Variants in PALS2 observed in about 807,000 individuals in gnomAD.
The protein encoded by PALS2 is protein PALS2.
PALS2 carries 27 observed loss-of-function variants against 61.6 expected under a neutral mutation model. The ratio of observed to expected loss-of-function variants is 0.44; its 90% CI spans 0.32 to 0.60. PALS2 has a LOEUF of 0.60. Ranked by LOEUF, PALS2 falls within the 20% of genes least tolerant of loss-of-function variation. The pLI, the probability that PALS2 is intolerant of heterozygous loss-of-function variation, is 0.05. For missense variants in PALS2, 554 were observed against 639.4 expected (o/e 0.87, Z 1.44); for synonymous variants, 236 against 218.6 (o/e 1.08, Z -0.70).
intron 1 of PALS2, among the ~76,000 whole-genome samples, chr7:24,581,165 T>C (rs1782826622): frequency 6.6e-6 from 1 of 152,152 alleles, no homozygotes; most frequent in Non-Finnish European, 1.5e-5. Context: ...CTTCTGGCAT[T>C]CCTTGGCTTG....
At chr7:24,614,482 C>T (rs1401867994) in intron 1 of PALS2, among the ~76,000 whole-genome samples, 4 of 151,656 alleles carry the variant, frequency 2.6e-5, no homozygotes, top group African/African-American at 9.7e-5. Flanking sequence ...ATTTGGATGC[C>T]CTTTATTTCT....
chr7:24,670,285 G>GT (rs1423642941), intron 9 of PALS2, among the ~76,000 whole-genome samples: 5 of 151,334 alleles, frequency 3.3e-5, no homozygotes, highest in South Asian at 2.1e-4. Flanking sequence ...TGTGTATACA[G>GT]TTTTTTGTTG....
chr7:24,656,617 G>T (rs1786429967), intron 5 of PALS2, among the ~76,000 whole-genome samples: 1 of 152,000 alleles, frequency 6.6e-6, no homozygotes, highest in Non-Finnish European at 1.5e-5. Context: ...AGCCTCCCAG[G>T]GCTCAGATAA....
intron 1 of PALS2, among the ~76,000 whole-genome samples, chr7:24,574,700 TTGTAG>T (rs1285007999): frequency 6.6e-6 from 1 of 152,200 alleles, no homozygotes. Flanking sequence ...ACAAGTGGTC[TTGTAG>T]TGTAGCTGAG....
At chr7:24,629,773 A>G (rs1054336709) in intron 2 of PALS2, among the ~76,000 whole-genome samples, 4 of 152,246 alleles carry the variant, frequency 2.6e-5, no homozygotes, top group African/African-American at 9.6e-5. Flanking sequence ...CAAAACTGCA[A>G]TGAGATACCT....
intron 9 of PALS2, among the ~76,000 whole-genome samples, chr7:24,669,034 A>T (rs1055710147): frequency 2.0e-5 from 3 of 152,160 alleles, no homozygotes; most frequent in African/African-American, 7.2e-5. Context: ...AAAGCTTCTG[A>T]CCCTTGGACA....
At chr7:24,683,345 A>G (rs117389647) in intron 11 of PALS2, among the ~76,000 whole-genome samples, 2,263 of 152,240 alleles carry the variant, frequency 0.015, 24 homozygotes, top group Middle Eastern at 0.024. Flanking sequence ...TTATTCCCCA[A>G]GAGCCTCTAG....
intron 2 of PALS2, among the ~76,000 whole-genome samples, chr7:24,635,374 A>G (rs1037420356): frequency 2.0e-5 from 3 of 152,198 alleles, no homozygotes; most frequent in African/African-American, 7.2e-5. Flanking sequence ...GTATAGAAAT[A>G]TAATTGATTT....
chr7:24,607,487 C>T (rs1349871627), intron 1 of PALS2, among the ~76,000 whole-genome samples: 1 of 151,440 alleles, frequency 6.6e-6, no homozygotes, highest in Non-Finnish European at 1.5e-5. Flanking sequence ...TCTCTGAACA[C>T]ACACATGATA....
intron 1 of PALS2, among the ~76,000 whole-genome samples, chr7:24,620,784 C>T (rs139067624): frequency 3.3e-4 from 50 of 152,200 alleles, no homozygotes; most frequent in Non-Finnish European, 6.5e-4. Flanking sequence ...ATCTTTGAGA[C>T]ATATACATTG....
chr7:24,663,833 C>A, intron 6 of PALS2, 112 bp downstream of exon 6: 1 of 1,298,548 alleles, frequency 7.7e-7, no homozygotes, highest in Non-Finnish European at 1.1e-6. Context: ...TGATTTTTCC[C>A]ACATGAACAG....
chr7:24,603,994 C>T (rs995612980), intron 1 of PALS2, among the ~76,000 whole-genome samples: 1 of 151,878 alleles, frequency 6.6e-6, no homozygotes, highest in Non-Finnish European at 1.5e-5. Flanking sequence ...TGACTGGGCT[C>T]AGTGTTGGAT....
intron 2 of PALS2, among the ~76,000 whole-genome samples, chr7:24,637,097 G>T (rs574471619): frequency 4.7e-4 from 72 of 152,022 alleles, no homozygotes; most frequent in African/African-American, 1.6e-3. Flanking sequence ...CCCTTTTCTG[G>T]TTTTTTGACA....
intron 2 of PALS2, among the ~76,000 whole-genome samples, chr7:24,636,275 A>C (rs1017612830): frequency 2.6e-5 from 4 of 151,716 alleles, no homozygotes; most frequent in African/African-American, 9.7e-5. Flanking sequence ...TTTGCTTACC[A>C]GTGTATGTTC....
rs768702084 is a variant in PALS2 at position 24,691,078 on chromosome 7, A to G, written c.*3464A>G. On this transcript the variant is annotated 3_prime_UTR_variant, in exon 12 of 12. Coordinates refer to ENST00000222644, the MANE Select transcript of PALS2 (RefSeq NM_001303037.2). ...AAATTATTAAATGGTACTTATTTTT[A>G]TGTATAACAAGTGTCATGATCCCAG... The G allele has an allele frequency of 6.6e-6, 1 of 152,154 alleles. No individual in the cohort carries two copies. Among genetic ancestry groups the G allele is most frequent in the Non-Finnish European group, 1.5e-5 (1 of 68,000 alleles). The allele number at this position is 152,154 out of a possible 1,614,324, so 9.4% of individuals were successfully genotyped here.
intron 6 of PALS2, 137 bp downstream of exon 6, chr7:24,663,858 C>A: frequency 9.0e-7 from 1 of 1,113,550 alleles, no homozygotes; most frequent in Non-Finnish European, 1.3e-6. Flanking sequence ...TGCTTCGTGG[C>A]TACTAATTTT....
intron 2 of PALS2, among the ~76,000 whole-genome samples, chr7:24,629,103 A>G (rs1411929043): frequency 6.6e-6 from 1 of 152,226 alleles, no homozygotes; most frequent in Admixed American, 6.5e-5. Context: ...CTACAAGGCT[A>G]CAGTAACTAA....
intron 4 of PALS2, among the ~76,000 whole-genome samples, chr7:24,650,007 A>G (rs1316563573): frequency 6.6e-6 from 1 of 152,178 alleles, no homozygotes; most frequent in Non-Finnish European, 1.5e-5. Context: ...AAAAAATTTC[A>G]GAAGATGACT....
chr7:24,634,736 G>A (rs1008885841), intron 2 of PALS2, among the ~76,000 whole-genome samples: 3 of 152,068 alleles, frequency 2.0e-5, no homozygotes, highest in Admixed American at 6.6e-5. Flanking sequence ...ACGATATTAC[G>A]TTAGGCACCA....
Sources: gnomAD v4.1 joint callset for allele counts (sites outside exome capture counted in the v4.1 genomes callset) on GRCh38, gnomAD v4.1.1 for gene constraint, MANE v1.5 for transcripts, NCBI Gene and HGNC (gene_info 2026-07-23, HGNC 2026-07-21) for gene names.